Variants in PLCH2 observed in about 807,000 individuals in gnomAD.
PLCH2 encodes phospholipase C eta 2, also known as 1-phosphatidylinositol 4,5-bisphosphate phosphodiesterase eta-2.
In PLCH2, 98 loss-of-function variants were observed where a neutral mutation model predicts 134.7. The ratio of observed to expected loss-of-function variants is 0.73; its 90% CI spans 0.62 to 0.86. PLCH2 has a LOEUF of 0.86. Ranked by LOEUF, PLCH2 falls within the 40% of genes least tolerant of loss-of-function variation. The pLI is 0.00. For missense variants in PLCH2, 1,994 were observed against 1,986.6 expected (o/e 1.00, Z -0.07); for synonymous variants, 974 against 827.5 (o/e 1.18, Z -3.04).
chr1:2,499,946 C>T (rs375945418), intron 20 of PLCH2: 7 of 602,410 alleles, frequency 1.2e-5, no homozygotes, highest in African/African-American at 7.4e-5. Flanking sequence ...TTGGGCATCT[C>T]GGGCAGGACA....
intron 20 of PLCH2, 72 bp downstream of exon 20, chr1:2,499,792 T>C: frequency 2.5e-6 from 3 of 1,205,388 alleles, no homozygotes; most frequent in Non-Finnish European, 3.6e-6. Flanking sequence ...TGCCCCCCCA[T>C]GTGTCCCCAG....
upstream of PLCH2, among the ~76,000 whole-genome samples, chr1:2,473,613 C>T (rs1570384365): frequency 6.6e-6 from 1 of 152,220 alleles, no homozygotes; most frequent in African/African-American, 2.4e-5. Flanking sequence ...TCCTGCCCGT[C>T]CCTCCCTGTC....
intron 13 of PLCH2, among the ~76,000 whole-genome samples, chr1:2,496,286 GA>G: frequency 6.6e-6 from 1 of 152,160 alleles, no homozygotes; most frequent in East Asian, 1.9e-4. Context: ...TTCTAGGCCA[GA>G]CCCAGGCCCC....
upstream of PLCH2, among the ~76,000 whole-genome samples, chr1:2,472,784 AG>A (rs1641390647): frequency 6.6e-6 from 1 of 152,100 alleles, no homozygotes; most frequent in African/African-American, 2.4e-5. Context: ...CAGGCCTGGA[AG>A]AGGTGGGGCC....
At position 2,498,557 on chromosome 1, in the gene PLCH2, C is replaced by G; in HGVS notation, c.2259C>G (p.Pro753=). 1.2e-6 allele frequency: 2 copies of G among 1,607,194 alleles called. No homozygotes were observed. Among genetic ancestry groups the G allele is most frequent in the Non-Finnish European group, 8.5e-7 (1 of 1,178,564 alleles). Residue 753 remains proline, a synonymous_variant, in exon 17 of 22, where the codon CCC becomes CCG. Coordinates refer to ENST00000378486, the MANE Select transcript of PLCH2 (RefSeq NM_014638.4). The surrounding 1 kb of genome is among the most constrained non-coding windows in gnomAD (Gnocchi z 5.4). ...VFNPNSEDPL[P]GQLKKQLVLR... is the part of the protein sequence containing the mutation. ...ACCCCAACTCGGAGGACCCCCTGCCCGGGCAGCTCAAGAAGCAGCTGGTGC... is the reference window on the plus strand; with the variant it reads ...ACCCCAACTCGGAGGACCCCCTGCCGGGGCAGCTCAAGAAGCAGCTGGTGC...
chr1:2,496,557 C>T (rs747621868), intron 13 of PLCH2, 50 bp from the exon 14 acceptor site: 2 of 1,484,936 alleles, frequency 1.3e-6, no homozygotes, highest in South Asian at 2.4e-5. Flanking sequence ...GAGCTGGGTG[C>T]CAGGCTGGCC....
At chr1:2,463,173 G>A (rs1179642551), upstream of PLCH2, among the ~76,000 whole-genome samples, 3 of 152,160 alleles carry the variant, frequency 2.0e-5, no homozygotes, top group African/African-American at 4.8e-5. Flanking sequence ...ACCTCCAGGG[G>A]GCTGCAGGGC....
chr1:2,470,533 G>A (rs373711153), intron 1 of PLCH2, among the ~76,000 whole-genome samples: 3 of 152,198 alleles, frequency 2.0e-5, no homozygotes, highest in Admixed American at 1.3e-4. Flanking sequence ...GCAGTGGCCC[G>A]GGGTGCTCTG....
Position 2,427,947 on chromosome 1 carries a change from G to A in PLCH2, c.-178+1910G>A, listed in dbSNP as rs534407082. Among the ~76,000 whole-genome samples the A allele has an allele frequency of 3.9e-5, 6 of 152,238 alleles. No individual in the cohort carries two copies. The South Asian group carries it at 1.2e-3, about 32-fold the overall frequency. On this transcript the variant is annotated intron_variant, in intron 1 of 3. Transcript: ENST00000609981. ...GGGCTGTAGGACCTGCTGAGTGGGTGACACTTCATCCTCCGGGGGCTTCGA... is the reference window on the plus strand; with the variant it reads ...GGGCTGTAGGACCTGCTGAGTGGGTAACACTTCATCCTCCGGGGGCTTCGA...
intron 5 of PLCH2, among the ~76,000 whole-genome samples, chr1:2,485,621 C>T (rs1192992169): frequency 1.3e-5 from 2 of 151,262 alleles, no homozygotes; most frequent in African/African-American, 2.4e-5. Flanking sequence ...TAGGGACCTC[C>T]ACTCTACTGG....
intron 11 of PLCH2, among the ~76,000 whole-genome samples, chr1:2,492,859 CCT>C (rs1642668381): frequency 6.6e-6 from 1 of 152,254 alleles, no homozygotes; most frequent in East Asian, 1.9e-4. Context: ...CTCACGAGTC[CCT>C]GAGGCCCGGG....
Position 2,444,462 on chromosome 1 carries a change from C to T in PLCH2, c.115+13833C>T, listed in dbSNP as rs1357207511. On this transcript the variant is annotated intron_variant, in intron 2 of 3. Coordinates refer to the PLCH2 transcript ENST00000609981. The surrounding 1 kb of genome is among the most constrained non-coding windows in gnomAD (Gnocchi z 4.6). Reference sequence around the variant, plus strand: ...AGCAGGTGGGGTGCAGCGGGCACTGCCCGGGCAGGCGGGAGCTCCGGAGGC... The same window carrying T: ...AGCAGGTGGGGTGCAGCGGGCACTGTCCGGGCAGGCGGGAGCTCCGGAGGC... Among the ~76,000 whole-genome samples, 2 of 152,164 alleles carry T rather than the reference C, an allele frequency of 1.3e-5. No individual in the cohort carries two copies. Among genetic ancestry groups the T allele is most frequent in the African/African-American group, 2.4e-5 (1 of 41,448 alleles).
rs199817463 is a variant in PLCH2 at position 2,503,049 on chromosome 1, G to A, written c.2959+640G>A. ...GCTCTGTATCCGTGGCACTGTCTCCGTGGCACTCTGCTCCCTTGGCTTGCC... is the reference window on the plus strand; with the variant it reads ...GCTCTGTATCCGTGGCACTGTCTCCATGGCACTCTGCTCCCTTGGCTTGCC... On this transcript the variant is annotated intron_variant, in intron 21 of 21. Coordinates refer to ENST00000378486, the MANE Select transcript of PLCH2 (RefSeq NM_014638.4). 2.9e-4 allele frequency: 206 copies of A among 710,130 alleles called. 1 individual carries two copies. The highest frequency in any genetic ancestry group is 6.8e-4 in the Middle Eastern group (3 of 4,388). 44.0% of individuals were successfully genotyped at this position (710,130 alleles called of 1,614,324 possible). A position where few individuals can be genotyped will look rare whatever the true frequency, so the allele number is the denominator to read the frequency against.
rs1639868046 is a variant in PLCH2, at chr1:2,444,839, G to T, written c.115+14210G>T. On this transcript the variant is annotated intron_variant, in intron 2 of 3. Transcript: ENST00000609981. This position sits in a 1 kb window ranked among gnomAD's most constrained non-coding sequence, Gnocchi z 4.6. ...CCTTCGTCCCCTGACACGTTGGTCT[G>T]GGGAGGCGGGGTCACGGTGCCCCAA... Among the ~76,000 whole-genome samples, 1 of 151,974 alleles carries T rather than the reference G, an allele frequency of 6.6e-6. No homozygotes were observed. The highest frequency in any genetic ancestry group is 2.4e-5 in the African/African-American group (1 of 41,344).
Position 2,504,969 on chromosome 1 carries a change from G to T in PLCH2, c.4007G>T (p.Arg1336Leu). ...GTGGCAGGGGGCCCTGGTTTTGTGC[G>T]GCGCTCCTCCTCCCGCAGCCACAGC... ...EGVAGGPGFV[R>L]RSSSRSHSRV... The change falls in exon 22 of 22, where the codon CGG becomes CTG. Residue 1336 changes from arginine (R) to leucine (L), a missense_variant. Around this residue, in one of 2 missense-constraint regions of PLCH2, gnomAD observed 900 missense variants for 752.3 expected, o/e 1.20. Transcript: ENST00000378486. 6.4e-7 allele frequency: 1 copy of T among 1,552,856 alleles called. No homozygotes were observed. The highest frequency in any genetic ancestry group is 8.7e-7 in the Non-Finnish European group (1 of 1,151,790).
rs1173476699 is a variant in PLCH2, at chr1:2,484,561, C to T, written c.759C>T (p.Asn253=). Reference sequence around the variant, plus strand: ...ACCTGCTCATGCTGACCTACAGCAACCACAAGGACCACCTGGATGCCGCCA... The same window carrying T: ...ACCTGCTCATGCTGACCTACAGCAATCACAAGGACCACCTGGATGCCGCCA... ...DLYLLMLTYS[N]HKDHLDAASL... is the part of the protein sequence containing the mutation. The change falls in exon 5 of 22, where the codon AAC becomes AAT. Residue 253 remains asparagine, a synonymous_variant. Transcript: ENST00000378486. 1 of 1,613,186 alleles carries T rather than the reference C, an allele frequency of 6.2e-7. No homozygotes were observed. Among genetic ancestry groups the T allele is most frequent in the Non-Finnish European group, 8.5e-7 (1 of 1,179,814 alleles).
At position 2,448,313 on chromosome 1, in the gene PLCH2, C is replaced by T. The variant is rs1640036718; in HGVS notation, c.115+17684C>T. Among the ~76,000 whole-genome samples the T allele has an allele frequency of 6.6e-6, 1 of 152,160 alleles. No homozygotes were observed. The highest frequency in any genetic ancestry group is 1.5e-5 in the Non-Finnish European group (1 of 68,022). On this transcript the variant is annotated intron_variant, in intron 2 of 3. Coordinates refer to the PLCH2 transcript ENST00000609981. This position sits in a 1 kb window ranked among gnomAD's most constrained non-coding sequence, Gnocchi z 4.0. Reference sequence around the variant, plus strand: ...AGGTCAGGGTGTGGGTGGGGCCGCGCTCCCTCTGCAGGCTCCCCGGGAGGA... The same window carrying T: ...AGGTCAGGGTGTGGGTGGGGCCGCGTTCCCTCTGCAGGCTCCCCGGGAGGA...
chr1:2,449,137 CA>C (rs1444869929), intron 2 of PLCH2, among the ~76,000 whole-genome samples: 200 of 142,286 alleles, frequency 1.4e-3, no homozygotes, highest in Non-Finnish European at 2.5e-3. Context: ...TCAGCACCCC[CA>C]CCCCCCGCCC....
At chr1:2,474,545 C>T (rs1399403416), upstream of PLCH2, among the ~76,000 whole-genome samples, 1 of 152,112 alleles carries the variant, frequency 6.6e-6, no homozygotes, top group African/African-American at 2.4e-5. Context: ...AGAACCCCTG[C>T]CCAGGCAGAT....
Sources: allele counts gnomAD v4.1 joint callset (sites outside exome capture counted in the v4.1 genomes callset), GRCh38; gene constraint gnomAD v4.1.1; regional missense constraint gnomAD v4.1.1; non-coding constraint Gnocchi (gnomAD v3.1); transcripts MANE v1.5; gene names NCBI Gene and HGNC (gene_info 2026-07-23, HGNC 2026-07-21).